Variants in SUGCT observed in about 807,000 individuals in gnomAD.
The protein encoded by SUGCT is succinyl-CoA:glutarate CoA-transferase.
A neutral mutation model predicts 55.0 loss-of-function variants in SUGCT; 41 were observed. The ratio of observed to expected loss-of-function variants is 0.74; its 90% CI spans 0.58 to 0.97. The LOEUF (loss-of-function observed/expected upper bound fraction) is 0.97. Ranked by LOEUF, SUGCT falls within the 50% of genes least tolerant of loss-of-function variation. The pLI is 0.00. For missense variants in SUGCT, 568 were observed against 547.8 expected, an observed-to-expected ratio of 1.04 and a Z score of -0.37; for synonymous variants, 187 against 200.4, an observed-to-expected ratio of 0.93 and a Z score of 0.56.
chr7:40,514,591 T>C (rs1455595646), intron 12 of SUGCT, among the ~76,000 whole-genome samples: 1 of 151,610 alleles, frequency 6.6e-6, no homozygotes. Context: ...ATGACTGTAG[T>C]CTTAGCTACT....
chr7:40,847,639 A>G (rs1584529609), intron 13 of SUGCT, among the ~76,000 whole-genome samples: 2 of 150,800 alleles, frequency 1.3e-5, no homozygotes, highest in East Asian at 3.9e-4. Flanking sequence ...CTGGTTTCAA[A>G]CTCCTGACCT....
intron 11 of SUGCT, among the ~76,000 whole-genome samples, chr7:40,473,146 T>A (rs1790486637): frequency 6.6e-6 from 1 of 152,168 alleles, no homozygotes; most frequent in Admixed American, 6.5e-5. Context: ...AGTCCACCAA[T>A]GACTTCTGCC....
intron 12 of SUGCT, among the ~76,000 whole-genome samples, chr7:40,705,512 T>C (rs1318749572): frequency 7.4e-6 from 1 of 135,560 alleles, no homozygotes; most frequent in Non-Finnish European, 1.6e-5. Context: ...GCACCATTTG[T>C]TTTACAAATC....
At chr7:40,564,140 G>A (rs566226415) in intron 12 of SUGCT, among the ~76,000 whole-genome samples, 4 of 152,346 alleles carry the variant, frequency 2.6e-5, no homozygotes, top group Admixed American at 2.0e-4. Flanking sequence ...TTGGGAGGCC[G>A]AGGCAGGCGG....
At chr7:40,161,822 T>C (rs546148083) in intron 1 of SUGCT, among the ~76,000 whole-genome samples, 21 of 152,354 alleles carry the variant, frequency 1.4e-4, no homozygotes, top group African/African-American at 5.1e-4. Flanking sequence ...TTGTGCATTC[T>C]ATAACTGTAG....
chr7:40,755,248 C>T (rs1173360069), intron 13 of SUGCT, among the ~76,000 whole-genome samples: 1 of 152,136 alleles, frequency 6.6e-6, no homozygotes, highest in Non-Finnish European at 1.5e-5. Flanking sequence ...TAGAAACCAC[C>T]GGTTTAGCAG....
intron 10 of SUGCT, among the ~76,000 whole-genome samples, chr7:40,457,398 C>T (rs911558564): frequency 2.0e-5 from 3 of 152,026 alleles, no homozygotes; most frequent in Admixed American, 6.5e-5. Flanking sequence ...GAGCTGAGAT[C>T]GTGCCCCTGC....
At chr7:40,396,573 A>C (rs1375698916) in intron 9 of SUGCT, among the ~76,000 whole-genome samples, 3 of 152,132 alleles carry the variant, frequency 2.0e-5, no homozygotes, top group African/African-American at 7.2e-5. Flanking sequence ...TTCCCATTTG[A>C]CTCTGGTAAG....
At chr7:40,433,259 T>A (rs916431301) in intron 9 of SUGCT, among the ~76,000 whole-genome samples, 2 of 152,144 alleles carry the variant, frequency 1.3e-5, no homozygotes, top group African/African-American at 4.8e-5. Flanking sequence ...ATTTGTCAGG[T>A]AATTGATATG....
intron 9 of SUGCT, among the ~76,000 whole-genome samples, chr7:40,341,945 T>C (rs1797074111): frequency 6.6e-6 from 1 of 152,238 alleles, no homozygotes; most frequent in South Asian, 2.1e-4. Context: ...TTTCAGATCC[T>C]GACTCAGTCC....
the SUGCT span, among the ~76,000 whole-genome samples, chr7:40,929,566 C>T: frequency 6.6e-6 from 1 of 152,198 alleles, no homozygotes. Context: ...ACTATTTCTC[C>T]ACACCCTTTC....
At chr7:40,194,630 T>G (rs1304583045) in intron 5 of SUGCT, among the ~76,000 whole-genome samples, 2 of 152,236 alleles carry the variant, frequency 1.3e-5, no homozygotes, top group Non-Finnish European at 2.9e-5. Context: ...TACATTCTAA[T>G]TTTTCTACCT....
At chr7:40,884,083 A>G in the SUGCT span, among the ~76,000 whole-genome samples, 1 of 152,144 alleles carries the variant, frequency 6.6e-6, no homozygotes, top group Non-Finnish European at 1.5e-5. Context: ...AGGAATCTCC[A>G]CCCTAGGCAA....
intron 13 of SUGCT, among the ~76,000 whole-genome samples, chr7:40,774,803 T>G (rs1789369141): frequency 6.6e-6 from 1 of 151,408 alleles, no homozygotes; most frequent in Admixed American, 6.6e-5. Context: ...CCCACAAATT[T>G]GGTGTGAACA....
chr7:40,391,635 C>T (rs1785437793), intron 9 of SUGCT, among the ~76,000 whole-genome samples: 1 of 152,036 alleles, frequency 6.6e-6, no homozygotes, highest in African/African-American at 2.4e-5. Context: ...CAGGAAACAA[C>T]AGGTGCTGGA....
At chr7:40,222,289 C>T (rs1183966943) in intron 6 of SUGCT, among the ~76,000 whole-genome samples, 3 of 152,202 alleles carry the variant, frequency 2.0e-5, no homozygotes, top group Non-Finnish European at 2.9e-5. Flanking sequence ...TTTAAATCCC[C>T]GTCAATCACA....
At chr7:40,764,713 T>C (rs77597943) in intron 13 of SUGCT, among the ~76,000 whole-genome samples, 2,050 of 152,320 alleles carry the variant, frequency 0.013, 143 homozygotes, top group East Asian at 0.091. Flanking sequence ...GCTGTTTTAC[T>C]GCATTGAACT....
chr7:40,905,622 A>G, the SUGCT span, among the ~76,000 whole-genome samples: 1 of 152,150 alleles, frequency 6.6e-6, no homozygotes, highest in Non-Finnish European at 1.5e-5. Context: ...CTCAGGGTCT[A>G]GAACATTTCC....
At chr7:40,257,392 T>G (rs1356679745) in intron 7 of SUGCT, among the ~76,000 whole-genome samples, 1 of 152,124 alleles carries the variant, frequency 6.6e-6, no homozygotes, top group African/African-American at 2.4e-5. Flanking sequence ...TATATGGCAC[T>G]GGTACGCTGG....
Sources: gnomAD v4.1 joint callset for allele counts (sites outside exome capture counted in the v4.1 genomes callset) on GRCh38, gnomAD v4.1.1 for gene constraint, MANE v1.5 for transcripts, NCBI Gene and HGNC (gene_info 2026-07-23, HGNC 2026-07-21) for gene names.